NRG3: variants seen among roughly 807,000 people sequenced by gnomAD.
NRG3 encodes pro-neuregulin-3, membrane-bound isoform.
In NRG3, 31 loss-of-function variants were observed where a neutral mutation model predicts 66.9. The observed-to-expected ratio is 0.46, with a 90% CI of 0.35 to 0.63. The LOEUF (loss-of-function observed/expected upper bound fraction) is 0.63. NRG3 is among the 20% of genes least tolerant of loss of function. NRG3 has a pLI of 0.00. For synonymous variants in NRG3, 393 were observed against 359.4 expected (o/e 1.09, Z -1.06); for missense variants, 910 against 878.9 (o/e 1.04, Z -0.45).
At chr10:82,540,457 T>A (rs2043465712) in intron 2 of NRG3, among the ~76,000 whole-genome samples, 1 of 152,018 alleles carries the variant, frequency 6.6e-6, no homozygotes, top group South Asian at 2.1e-4. Context: ...TGAGTGTGTA[T>A]GTGTGCATGT....
At chr10:82,667,444 C>G (rs936312393) in intron 2 of NRG3, among the ~76,000 whole-genome samples, 2 of 152,130 alleles carry the variant, frequency 1.3e-5, no homozygotes, top group Non-Finnish European at 2.9e-5. Flanking sequence ...GATATCTCAA[C>G]AGTGGAATAA....
In NRG3 at chr10:81,955,307, A is replaced by G. The variant is rs57223614; in HGVS notation, c.823+79144A>G. Among the ~76,000 whole-genome samples, 756 of 152,026 alleles carry G rather than the reference A, an allele frequency of 5.0e-3. 8 individuals carry two copies. Among genetic ancestry groups the G allele is most frequent in the African/African-American group, 0.017 (722 of 41,470 alleles). On this transcript the variant is annotated intron_variant, in intron 1 of 8. Transcript: ENST00000372141. ...TGAAGACCCCTATTTCCCAGTTGAAATCTGAGGGCTGGAAGCTCTGTAGAA... is the reference window on the plus strand; with the variant it reads ...TGAAGACCCCTATTTCCCAGTTGAAGTCTGAGGGCTGGAAGCTCTGTAGAA...
chr10:81,945,290 C>T lies in NRG3; in HGVS notation c.823+69127C>T, dbSNP rs919071037. Among the ~76,000 whole-genome samples the T allele has an allele frequency of 3.3e-5, 5 of 151,918 alleles. No homozygotes were observed. In the East Asian group the frequency reaches 9.7e-4, roughly 30 times the overall value. On this transcript the variant is annotated intron_variant, in intron 1 of 8. Coordinates refer to ENST00000372141, the MANE Select transcript of NRG3 (RefSeq NM_001010848.4). Reference sequence around the variant, plus strand: ...ACTCCCCTTCCTCCTCCTTCTTTTTCCTTCTTTTATCTCCTTCTTTCTCCT... The same window carrying T: ...ACTCCCCTTCCTCCTCCTTCTTTTTTCTTCTTTTATCTCCTTCTTTCTCCT...
intron 1 of NRG3, among the ~76,000 whole-genome samples, chr10:82,247,908 G>T (rs1005071235): frequency 1.3e-5 from 2 of 151,974 alleles, no homozygotes; most frequent in African/African-American, 2.4e-5. Flanking sequence ...TGCAAAGATG[G>T]TTTACCTTGG....
intron 1 of NRG3, among the ~76,000 whole-genome samples, chr10:82,040,820 T>G (rs1049332122): frequency 1.8e-4 from 27 of 152,076 alleles, no homozygotes; most frequent in Non-Finnish European, 3.5e-4. Context: ...CCTGCCCCAG[T>G]ATATGTCAGC....
chr10:82,641,835 A>C (rs917657813), intron 2 of NRG3, among the ~76,000 whole-genome samples: 14 of 152,188 alleles, frequency 9.2e-5, no homozygotes, highest in African/African-American at 1.9e-4. Context: ...TCCTGTTTTA[A>C]ATTGTCTTTA....
chr10:82,813,131 A>G (rs1457770648), intron 3 of NRG3, among the ~76,000 whole-genome samples: 1 of 151,226 alleles, frequency 6.6e-6, no homozygotes. Flanking sequence ...GAAATGTATG[A>G]GTGTTTTGAT....
chr10:82,437,996 C>T (rs940684869), intron 2 of NRG3, among the ~76,000 whole-genome samples: 14 of 152,248 alleles, frequency 9.2e-5, no homozygotes, highest in Middle Eastern at 3.4e-3. Flanking sequence ...ATAGGGTGTC[C>T]GACAAACCCT....
intron 4 of NRG3, among the ~76,000 whole-genome samples, chr10:82,929,442 A>T (rs2132142341): frequency 6.6e-6 from 1 of 152,322 alleles, no homozygotes; most frequent in Middle Eastern, 3.4e-3. Context: ...CGAGCAGAGG[A>T]TCTGCAAACA....
At chr10:82,004,956 G>A (rs960641708) in intron 1 of NRG3, among the ~76,000 whole-genome samples, 7 of 152,296 alleles carry the variant, frequency 4.6e-5, no homozygotes, top group Non-Finnish European at 7.3e-5. Flanking sequence ...GTTTTCTTAC[G>A]GCAGCCCTAG....
At chr10:82,459,149 T>C (rs2091403911) in intron 2 of NRG3, among the ~76,000 whole-genome samples, 1 of 152,170 alleles carries the variant, frequency 6.6e-6, no homozygotes, top group Non-Finnish European at 1.5e-5. Context: ...CTTTGTTTAG[T>C]TCTTGGCATG....
chr10:82,015,182 T>C (rs1161707787), intron 1 of NRG3, among the ~76,000 whole-genome samples: 1 of 152,254 alleles, frequency 6.6e-6, no homozygotes. Context: ...GAAGCGCAAA[T>C]GTAAAAATTC....
intron 1 of NRG3, among the ~76,000 whole-genome samples, chr10:82,030,787 A>G (rs1233335758): frequency 6.6e-6 from 1 of 152,088 alleles, no homozygotes; most frequent in East Asian, 1.9e-4. Context: ...ATGAAGGACA[A>G]GTTTGCAAAA....
intron 2 of NRG3, among the ~76,000 whole-genome samples, chr10:82,597,728 C>T (rs954822852): frequency 1.3e-5 from 2 of 152,098 alleles, no homozygotes; most frequent in South Asian, 2.1e-4. Context: ...GGAGACCATC[C>T]TGGCCAACAT....
chr10:82,677,805 G>T (rs1020169886), intron 2 of NRG3, among the ~76,000 whole-genome samples: 3 of 152,170 alleles, frequency 2.0e-5, no homozygotes, highest in African/African-American at 4.8e-5. Context: ...TTGGAAGGGG[G>T]CCAAGTGGGC....
intron 3 of NRG3, among the ~76,000 whole-genome samples, chr10:82,743,288 C>A (rs1315345095): frequency 6.6e-6 from 1 of 152,020 alleles, no homozygotes; most frequent in African/African-American, 2.4e-5. Context: ...GTGCTGACTT[C>A]GATTCGCACT....
At chr10:82,012,537 G>T in intron 1 of NRG3, among the ~76,000 whole-genome samples, 1 of 152,120 alleles carries the variant, frequency 6.6e-6, no homozygotes, top group East Asian at 1.9e-4. Context: ...CTATCACATT[G>T]TCAGGCAGCA....
At chr10:82,097,407 C>CATAT (rs34621417) in intron 1 of NRG3, among the ~76,000 whole-genome samples, 41 of 139,392 alleles carry the variant, frequency 2.9e-4, no homozygotes, top group East Asian at 1.1e-3. Context: ...CTCCCAGATA[C>CATAT]ATATATATAT....
At chr10:82,564,636 C>CT (rs551141202) in intron 2 of NRG3, among the ~76,000 whole-genome samples, 92 of 152,214 alleles carry the variant, frequency 6.0e-4, no homozygotes, top group African/African-American at 2.1e-3. Context: ...CTCTAACACT[C>CT]TATCTTGTTG....
Sources: allele counts gnomAD v4.1 joint callset (sites outside exome capture counted in the v4.1 genomes callset), GRCh38; gene constraint gnomAD v4.1.1; transcripts MANE v1.5; gene names NCBI Gene and HGNC (gene_info 2026-07-23, HGNC 2026-07-21).